Variants in UROS observed in about 807,000 individuals in gnomAD.
UROS encodes the protein uroporphyrinogen-III synthase.
Under a neutral mutation model 33.0 loss-of-function variants are expected in UROS, and 18 were observed. That is an observed-to-expected ratio of 0.55 (90% CI 0.38 to 0.81). The LOEUF (loss-of-function observed/expected upper bound fraction) is 0.81, where lower values mean the gene tolerates loss of function less well. Ranked by LOEUF, UROS falls within the 30% of genes least tolerant of loss-of-function variation. The probability of loss-of-function intolerance (pLI) is 0.00; values close to 1 mark genes in which losing one functional copy is unlikely to be tolerated. For missense variants in UROS, 293 were observed against 314.9 expected (o/e 0.93, Z 0.53); for synonymous variants, 114 against 121.1 (o/e 0.94, Z 0.38).
chr10:125,798,212 G>T, intron 6 of UROS, 67 bp from the exon 7 acceptor site: 1 of 1,538,546 alleles, frequency 6.5e-7, no homozygotes, highest in Non-Finnish European at 9.0e-7. Context: ...GAATGGGGAG[G>T]GGCAGCTTTG....
chr10:125,791,539 A>C (rs149743497), intron 9 of UROS: 3 of 149,028 alleles, frequency 2.0e-5, no homozygotes, highest in South Asian at 2.1e-4. Flanking sequence ...AATGTTTAGC[A>C]TTATTTAATA....
intron 4 of UROS, among the ~76,000 whole-genome samples, chr10:125,813,408 T>A (rs1852987178): frequency 6.6e-6 from 1 of 152,216 alleles, no homozygotes; most frequent in African/African-American, 2.4e-5. Context: ...GTGACCTTTC[T>A]AGGGTTTTCC....
At position 125,802,554 on chromosome 10, in the gene UROS, C is replaced by T. The variant is rs145786144; in HGVS notation, c.395-4409G>A. 1.4e-4 allele frequency: 145 copies of T among 1,007,834 alleles called. 1 individual carries two copies. The East Asian group carries it at 6.7e-3, about 47-fold the overall frequency. The allele number at this position is 1,007,834 out of a possible 1,614,324, so 62.4% of individuals were successfully genotyped here. A position where few individuals can be genotyped will look rare whatever the true frequency, so the allele number is the denominator to read the frequency against. The stretch of plus-strand genomic sequence containing the variant: ...CACTGGTGCATGGAGAGGCCTCTTC[C>T]GAGAACACCATGTGGCACAAGTGGC... On this transcript the variant is annotated intron_variant, in intron 6 of 9. Coordinates refer to ENST00000368797, the MANE Select transcript of UROS (RefSeq NM_000375.3).
intron 6 of UROS, among the ~76,000 whole-genome samples, chr10:125,799,618 G>C (rs1453422057): frequency 6.6e-6 from 1 of 152,162 alleles, no homozygotes; most frequent in East Asian, 1.9e-4. Flanking sequence ...CACAAGGCTG[G>C]GCCGAAGGGG....
At chr10:125,796,768 G>A (rs990842013) in intron 7 of UROS, 4 of 984,558 alleles carry the variant, frequency 4.1e-6, no homozygotes, top group South Asian at 4.7e-5. Context: ...GTGATGAGGC[G>A]CTAGGCACTG....
chr10:125,788,960 C>A lies in UROS; in HGVS notation c.706G>T (p.Gly236Cys). The change falls in exon 10 of 10, where the codon GGC becomes TGC. Residue 236 changes from glycine (G) to cysteine (C), a missense_variant. Physicochemically the swap from Gly to Cys is radical, Grantham distance 159 (BLOSUM62 -3). Coordinates refer to ENST00000368797, the MANE Select transcript of UROS (RefSeq NM_000375.3). ...PTTARALAAQ[G>C]LPVSCTAESP... Reference sequence around the variant, plus strand: ...TCTGCAGTGCAGCTTACAGGAAGGCCCTGGGCGGCCAGCGCGCGAGCCGTA... The same window carrying A: ...TCTGCAGTGCAGCTTACAGGAAGGCACTGGGCGGCCAGCGCGCGAGCCGTA... 6.2e-7 allele frequency: 1 copy of A among 1,611,814 alleles called. No individual in the cohort carries two copies. The highest frequency in any genetic ancestry group is 8.5e-7 in the Non-Finnish European group (1 of 1,179,786).
downstream of UROS, among the ~76,000 whole-genome samples, chr10:125,786,272 A>G (rs1333743661): frequency 3.3e-5 from 5 of 150,568 alleles, no homozygotes; most frequent in East Asian, 9.7e-4. Flanking sequence ...ACATTTGCAC[A>G]TGAACCTTTT....
At chr10:125,798,796 G>C (rs1851573002) in intron 6 of UROS, among the ~76,000 whole-genome samples, 1 of 152,268 alleles carries the variant, frequency 6.6e-6, no homozygotes, top group Admixed American at 6.5e-5. Flanking sequence ...ACTCTGGGAA[G>C]ACTTAAGGGC....
rs1049642985 is a variant in UROS at position 125,794,892 on chromosome 10, G to A, written c.648C>T (p.Ile216=). Reference sequence around the variant, plus strand: ...TTGAATAACTTACCTTAATTTGATCGATATTGTCACCAGATAACTCCTGAA... The same window carrying A: ...TTGAATAACTTACCTTAATTTGATCAATATTGTCACCAGATAACTCCTGAA... The part of the protein sequence containing the change: ...KHIQELSGDN[I]DQIKFAAIGP... Residue 216 remains isoleucine (I), a synonymous_variant, in exon 9 of 10, where the codon ATC becomes ATT. Transcript: ENST00000368797. The A allele has an allele frequency of 1.2e-5, 20 of 1,612,852 alleles. No individual in the cohort carries two copies. The highest frequency in any genetic ancestry group is 1.5e-5 in the Non-Finnish European group (18 of 1,179,178).
chr10:125,819,613 T>C (rs1056564640), intron 1 of UROS: 7 of 152,234 alleles, frequency 4.6e-5, no homozygotes, highest in Admixed American at 6.6e-5. Context: ...CTCACTCTGG[T>C]GGGTGGCTCA....
chr10:125,786,836 G>T (rs1453294522), downstream of UROS, among the ~76,000 whole-genome samples: 1 of 152,178 alleles, frequency 6.6e-6, no homozygotes. Flanking sequence ...CTTACCTTCT[G>T]TCCCACCAAT....
intron 9 of UROS, chr10:125,789,265 C>T (rs1464297611): frequency 2.1e-6 from 3 of 1,406,798 alleles, no homozygotes; most frequent in Non-Finnish European, 2.8e-6. Flanking sequence ...GACTTGAAGG[C>T]CCCAGGCTGG....
intron 6 of UROS, chr10:125,807,130 C>G (rs182408208): frequency 5.4e-4 from 235 of 435,668 alleles, no homozygotes; most frequent in African/African-American, 4.3e-3. Flanking sequence ...TTTGGAATCC[C>G]TCAAGTGATC....
chr10:125,796,672 C>T, intron 7 of UROS: 1 of 664,152 alleles, frequency 1.5e-6, no homozygotes, highest in Non-Finnish European at 1.9e-6. Flanking sequence ...TCCACTTGTA[C>T]AAGAACTGAT....
At chr10:125,789,755 G>A (rs1214130680) in intron 9 of UROS, among the ~76,000 whole-genome samples, 1 of 152,224 alleles carries the variant, frequency 6.6e-6, no homozygotes, top group Non-Finnish European at 1.5e-5. Context: ...TCTGTGCAGA[G>A]CCTCGCCTGG....
chr10:125,806,029 G>GA (rs1304860742), intron 6 of UROS, among the ~76,000 whole-genome samples: 2 of 152,254 alleles, frequency 1.3e-5, no homozygotes, highest in South Asian at 4.1e-4. Context: ...AAGCTCCAGG[G>GA]ATCCTCAGAC....
intron 1 of UROS, among the ~76,000 whole-genome samples, chr10:125,818,024 G>A (rs923218545): frequency 4.6e-5 from 7 of 152,162 alleles, no homozygotes; most frequent in Non-Finnish European, 7.3e-5. Flanking sequence ...TAATAAAACC[G>A]ATGCTGGCAT....
chr10:125,814,859 C>G (rs1483115289), intron 4 of UROS, among the ~76,000 whole-genome samples, 175 bp downstream of exon 4: 1 of 152,204 alleles, frequency 6.6e-6, no homozygotes. Context: ...GGTCATCTGT[C>G]TGGGAGTTTA....
At chr10:125,789,746 C>T (rs1254699861) in intron 9 of UROS, among the ~76,000 whole-genome samples, 1 of 152,232 alleles carries the variant, frequency 6.6e-6, no homozygotes, top group Non-Finnish European at 1.5e-5. Context: ...CTCGATGGTT[C>T]TGTGCAGAGC....
Sources: allele counts gnomAD v4.1 joint callset (sites outside exome capture counted in the v4.1 genomes callset), GRCh38; gene constraint gnomAD v4.1.1; transcripts MANE v1.5; gene names NCBI Gene and HGNC (gene_info 2026-07-23, HGNC 2026-07-21).